ESRRG: variants seen among roughly 807,000 people sequenced by gnomAD.
ESRRG encodes estrogen related receptor gamma.
A neutral mutation model predicts 44.0 loss-of-function variants in ESRRG; 13 were observed. The ratio of observed to expected loss-of-function variants is 0.30; its 90% CI spans 0.19 to 0.47. ESRRG has a LOEUF of 0.47. Ranked by LOEUF, ESRRG falls within the 20% of genes least tolerant of loss-of-function variation. ESRRG has a pLI of 1.00. For synonymous variants in ESRRG, 215 were observed against 214.6 expected (o/e 1.00, Z -0.02); for missense variants, 395 against 580.6 (o/e 0.68, Z 3.29).
intron 2 of ESRRG, among the ~76,000 whole-genome samples, chr1:216,879,258 GT>G (rs1373921740): frequency 6.6e-6 from 1 of 152,056 alleles, no homozygotes; most frequent in Non-Finnish European, 1.5e-5. Flanking sequence ...TTGGTAAATG[GT>G]TATGGAGCAC....
chr1:216,890,272 TAAA>T (rs1560000745), intron 2 of ESRRG, among the ~76,000 whole-genome samples: 4 of 148,872 alleles, frequency 2.7e-5, no homozygotes, highest in Non-Finnish European at 4.6e-5. Context: ...CTCAAAAAAA[TAAA>T]AATAAAAATA....
intron 1 of ESRRG, among the ~76,000 whole-genome samples, chr1:216,955,613 C>A (rs865916363): frequency 1.6e-4 from 25 of 152,020 alleles, no homozygotes; most frequent in Admixed American, 3.9e-4. Context: ...TTTTAAAAAA[C>A]CCTCCATGCT....
intron 1 of ESRRG, among the ~76,000 whole-genome samples, chr1:216,720,757 G>C (rs2086077858): frequency 6.6e-6 from 1 of 152,110 alleles, no homozygotes; most frequent in Non-Finnish European, 1.5e-5. Context: ...AATAAAACTT[G>C]TGTAGCTCCA....
chr1:216,974,165 G>A (rs756724009), intron 1 of ESRRG, among the ~76,000 whole-genome samples: 1 of 152,118 alleles, frequency 6.6e-6, no homozygotes, highest in African/African-American at 2.4e-5. Context: ...CAAAAGTCTT[G>A]CTAATTAGAA....
chr1:216,646,924 A>G (rs1048999258), intron 3 of ESRRG, among the ~76,000 whole-genome samples: 1 of 152,172 alleles, frequency 6.6e-6, no homozygotes, highest in African/African-American at 2.4e-5. Context: ...AAAGAAAAAT[A>G]TTTGAGTTGC....
At chr1:216,994,422 C>T (rs915162801) in intron 1 of ESRRG, among the ~76,000 whole-genome samples, 9 of 151,968 alleles carry the variant, frequency 5.9e-5, no homozygotes, top group African/African-American at 1.7e-4. Context: ...AACACACACA[C>T]GGATACATGT....
intron 3 of ESRRG, among the ~76,000 whole-genome samples, chr1:216,620,551 T>C (rs867910912): frequency 2.6e-5 from 4 of 152,196 alleles, no homozygotes; most frequent in South Asian, 4.1e-4. Flanking sequence ...GGCCTAATTG[T>C]GACAATAAGC....
chr1:216,848,479 G>T (rs1274584049), intron 2 of ESRRG, among the ~76,000 whole-genome samples: 2 of 151,790 alleles, frequency 1.3e-5, no homozygotes, highest in Non-Finnish European at 2.9e-5. Context: ...CTAAGGGCTA[G>T]TTAACTGTTT....
chr1:216,935,402 G>T (rs1482481693), intron 2 of ESRRG, among the ~76,000 whole-genome samples: 5 of 152,150 alleles, frequency 3.3e-5, no homozygotes, highest in African/African-American at 1.2e-4. Context: ...AAAACTCAGA[G>T]AAACACTTGC....
intron 5 of ESRRG, among the ~76,000 whole-genome samples, chr1:216,545,345 T>C (rs1283244915): frequency 6.6e-6 from 1 of 151,910 alleles, no homozygotes; most frequent in African/African-American, 2.4e-5. Flanking sequence ...TTACAGGCCT[T>C]AGCCACTGTA....
intron 5 of ESRRG, among the ~76,000 whole-genome samples, chr1:216,555,592 T>A (rs1298196247): frequency 6.6e-6 from 1 of 151,988 alleles, no homozygotes; most frequent in African/African-American, 2.4e-5. Context: ...CTTCTCTGCC[T>A]GTTTAAAAAG....
intron 2 of ESRRG, among the ~76,000 whole-genome samples, chr1:216,837,890 G>GTTT (rs1475319544): frequency 2.0e-5 from 3 of 152,194 alleles, no homozygotes; most frequent in South Asian, 2.1e-4. Context: ...ACATTGTGAG[G>GTTT]TGTTTTTGTC....
At chr1:217,042,463 TACACACACAAACAC>T (rs2084031072) in intron 1 of ESRRG, among the ~76,000 whole-genome samples, 3 of 82,752 alleles carry the variant, frequency 3.6e-5, no homozygotes, top group East Asian at 3.4e-4. Flanking sequence ...CACACACACA[TACACACACAAACAC>T]ACACACACAC....
intron 2 of ESRRG, among the ~76,000 whole-genome samples, chr1:216,824,116 C>T (rs916759360): frequency 3.3e-5 from 5 of 152,120 alleles, no homozygotes; most frequent in African/African-American, 1.2e-4. Context: ...TAGGGAGCAA[C>T]GCCCAACATC....
At chr1:217,041,362 T>C (rs2083832123) in intron 1 of ESRRG, among the ~76,000 whole-genome samples, 1 of 152,140 alleles carries the variant, frequency 6.6e-6, no homozygotes, top group Non-Finnish European at 1.5e-5. Flanking sequence ...TAAACATTCA[T>C]AGCAAGTTGG....
At chr1:217,085,641 C>G (rs1042626724) in intron 1 of ESRRG, among the ~76,000 whole-genome samples, 1 of 151,704 alleles carries the variant, frequency 6.6e-6, no homozygotes, top group Non-Finnish European at 1.5e-5. Flanking sequence ...CAGGTGCGCA[C>G]CACCACACCC....
intron 1 of ESRRG, among the ~76,000 whole-genome samples, chr1:217,035,104 C>T (rs1204325368): frequency 6.6e-6 from 1 of 152,102 alleles, no homozygotes; most frequent in Non-Finnish European, 1.5e-5. Flanking sequence ...CCTTACAGGA[C>T]TTGGCCTGAG....
At chr1:216,866,628 T>A (rs2096167414) in intron 2 of ESRRG, among the ~76,000 whole-genome samples, 1 of 151,952 alleles carries the variant, frequency 6.6e-6, no homozygotes. Context: ...TGGAGTGCAA[T>A]GGTGCGGCCT....
At chr1:216,547,629 G>C (rs547018695) in intron 5 of ESRRG, among the ~76,000 whole-genome samples, 1 of 152,122 alleles carries the variant, frequency 6.6e-6, no homozygotes, top group Admixed American at 6.6e-5. Flanking sequence ...TATTCTTCAA[G>C]CTGAAAGCCA....
Sources: allele counts gnomAD v4.1 joint callset (sites outside exome capture counted in the v4.1 genomes callset), GRCh38; gene constraint gnomAD v4.1.1; transcripts MANE v1.5; gene names NCBI Gene and HGNC (gene_info 2026-07-23, HGNC 2026-07-21).